Variants in PTPRM observed in about 807,000 individuals in gnomAD.
The protein encoded by PTPRM is protein tyrosine phosphatase receptor type M, also known as receptor-type tyrosine-protein phosphatase mu.
Under a neutral mutation model 186.7 loss-of-function variants are expected in PTPRM, and 47 were observed. The observed-to-expected ratio is 0.25, with a 90% CI of 0.20 to 0.32. The LOEUF (loss-of-function observed/expected upper bound fraction) is 0.32, where lower values mean the gene tolerates loss of function less well. Among genes scored for constraint, PTPRM ranks in the 10% least tolerant of loss-of-function variants. The pLI is 1.00. For synonymous variants in PTPRM, 668 were observed against 674.9 expected, an observed-to-expected ratio of 0.99 and a Z score of 0.16; for missense variants, 1,494 against 1,865.0, an observed-to-expected ratio of 0.80 and a Z score of 3.66.
chr18:8,211,130 C>G (rs918416406), intron 14 of PTPRM, among the ~76,000 whole-genome samples: 1 of 152,138 alleles, frequency 6.6e-6, no homozygotes, highest in Non-Finnish European at 1.5e-5. Flanking sequence ...GAATAAGTAG[C>G]TCTTTAGAAG....
chr18:8,289,577 CATATATAT>C (rs753067953), intron 19 of PTPRM, among the ~76,000 whole-genome samples: 1 of 116,670 alleles, frequency 8.6e-6, no homozygotes, highest in African/African-American at 4.1e-5. Flanking sequence ...TATATATATA[CATATATAT>C]ATACACATAT....
chr18:8,282,097 A>G (rs2094910050), intron 19 of PTPRM, among the ~76,000 whole-genome samples: 1 of 152,194 alleles, frequency 6.6e-6, no homozygotes, highest in African/African-American at 2.4e-5. Flanking sequence ...TAAAAAATCC[A>G]ATTAGAAAAT....
intron 1 of PTPRM, among the ~76,000 whole-genome samples, chr18:7,586,815 A>C (rs1009519143): frequency 6.6e-6 from 1 of 152,222 alleles, no homozygotes; most frequent in Non-Finnish European, 1.5e-5. Flanking sequence ...TGACATTTTA[A>C]AATACAACTT....
chr18:7,674,813 T>C (rs2039297865), intron 1 of PTPRM, among the ~76,000 whole-genome samples: 1 of 152,256 alleles, frequency 6.6e-6, no homozygotes, highest in Non-Finnish European at 1.5e-5. Context: ...AAATCCTGTC[T>C]AGCTCTGCCT....
chr18:8,158,282 A>G (rs1480714961), intron 14 of PTPRM, among the ~76,000 whole-genome samples: 2 of 152,234 alleles, frequency 1.3e-5, no homozygotes, highest in African/African-American at 4.8e-5. Context: ...ATGTCTCAAG[A>G]TGGAGTGTGT....
At chr18:7,911,276 A>G (rs540744104) in intron 4 of PTPRM, among the ~76,000 whole-genome samples, 115 of 152,360 alleles carry the variant, frequency 7.5e-4, no homozygotes, top group African/African-American at 2.2e-3. Flanking sequence ...TCTCAGACAT[A>G]TACTTAGGAG....
chr18:8,208,744 A>G (rs12968846), intron 14 of PTPRM, among the ~76,000 whole-genome samples: 51,275 of 152,114 alleles, frequency 0.34, 9,193 homozygotes, highest in Middle Eastern at 0.52. Context: ...ACTCCTGGCC[A>G]CAGGCAATCC....
At chr18:8,274,818 C>G in intron 19 of PTPRM, among the ~76,000 whole-genome samples, 1 of 152,136 alleles carries the variant, frequency 6.6e-6, no homozygotes, top group East Asian at 1.9e-4. Flanking sequence ...CCTCCAATGT[C>G]CTTGTCAAGA....
At chr18:8,027,641 C>T (rs954004240) in intron 7 of PTPRM, among the ~76,000 whole-genome samples, 1 of 152,112 alleles carries the variant, frequency 6.6e-6, no homozygotes, top group Admixed American at 6.6e-5. Context: ...AACAAACCAA[C>T]ATAGAACAGG....
chr18:8,263,437 C>T (rs1051455743), intron 19 of PTPRM, among the ~76,000 whole-genome samples: 2 of 152,092 alleles, frequency 1.3e-5, no homozygotes, highest in Admixed American at 1.3e-4. Flanking sequence ...TACATGTTTG[C>T]TTTACATTTC....
At chr18:8,071,961 G>A (rs996768878) in intron 8 of PTPRM, among the ~76,000 whole-genome samples, 3 of 152,312 alleles carry the variant, frequency 2.0e-5, no homozygotes, top group Middle Eastern at 3.4e-3. Flanking sequence ...GTGGAGAGCT[G>A]GTTGTAGGCT....
rs1555749530 is a variant in PTPRM, at chr18:8,118,811, A to ATATAT, written c.2167+3984_2167+3985insTATAT. On this transcript the variant is annotated intron_variant, in intron 13 of 32. Transcript: ENST00000580170. ...TGACATTCCATCTCAAAAAAAAAAA[A>ATATAT]ATATATATATATATATATATATGAG... Among the ~76,000 whole-genome samples, 137 of 128,364 alleles carry ATATAT rather than the reference A, an allele frequency of 1.1e-3. 1 individual carries two copies. The East Asian group carries it at 0.012, about 11-fold the overall frequency. The allele number at this position is 128,364 out of a possible 152,430, so 84.2% of individuals were successfully genotyped here.
rs1196986109 is a variant in PTPRM, at chr18:8,125,994, TATATATATATATATATATATATATATA to T, written c.2167+11168_2167+11194del. ...GTGTATACATATATATATATATATA[TATATATATATATATATATATATATATA>T]TATATATTTTAAATCAGTAGACCTT... On this transcript the variant is annotated intron_variant, in intron 13 of 32. Coordinates refer to ENST00000580170, the MANE Select transcript of PTPRM (RefSeq NM_001105244.2). Among the ~76,000 whole-genome samples, 11 of 11,654 alleles carry T rather than the reference TATATATATATATATATATATATATATA, an allele frequency of 9.4e-4. 1 individual carries two copies. Among genetic ancestry groups the T allele is most frequent in the East Asian group, 2.5e-3 (2 of 802 alleles). 7.6% of individuals were successfully genotyped at this position (11,654 alleles called of 152,430 possible).
chr18:8,032,070 T>C (rs2086013367), intron 7 of PTPRM, among the ~76,000 whole-genome samples: 2 of 152,202 alleles, frequency 1.3e-5, no homozygotes, highest in African/African-American at 4.8e-5. Flanking sequence ...GTTCATAGTA[T>C]TCTCTTCCTG....
chr18:7,706,678 G>A (rs890157223), intron 1 of PTPRM, among the ~76,000 whole-genome samples: 6 of 149,554 alleles, frequency 4.0e-5, no homozygotes, highest in African/African-American at 1.5e-4. Flanking sequence ...TAAGGGATTG[G>A]AAACCAAGAT....
chr18:7,612,749 G>T lies in PTPRM; in HGVS notation c.73+44858G>T, dbSNP rs552343131. 2.0e-5 allele frequency among the ~76,000 whole-genome samples: 3 copies of T among 152,254 alleles called. No homozygotes were observed. In the South Asian group the frequency reaches 6.2e-4, roughly 32 times the overall value. ...TGTAAGGTTCTCACTCATTTCTGTT[G>T]TTTCTTTCATTTTGGCTTCAGGGAA... On this transcript the variant is annotated intron_variant, in intron 1 of 32. Transcript: ENST00000580170.
At chr18:8,394,177 G>C (rs1050879333) in intron 31 of PTPRM, among the ~76,000 whole-genome samples, 1 of 152,068 alleles carries the variant, frequency 6.6e-6, no homozygotes, top group Non-Finnish European at 1.5e-5. Context: ...ACCTAAATAA[G>C]GTTCATTGAA....
intron 7 of PTPRM, among the ~76,000 whole-genome samples, chr18:8,046,958 G>A (rs930256576): frequency 6.6e-6 from 1 of 152,142 alleles, no homozygotes; most frequent in African/African-American, 2.4e-5. Flanking sequence ...ATTAATAAGC[G>A]AGAAGGTGTC....
chr18:8,051,538 A>T (rs2087499510), intron 7 of PTPRM, among the ~76,000 whole-genome samples: 1 of 152,158 alleles, frequency 6.6e-6, no homozygotes, highest in African/African-American at 2.4e-5. Flanking sequence ...GTTTTATCGC[A>T]TACGTATGTA....
Sources: gnomAD v4.1 joint callset for allele counts (sites outside exome capture counted in the v4.1 genomes callset) on GRCh38, gnomAD v4.1.1 for gene constraint, MANE v1.5 for transcripts, NCBI Gene and HGNC (gene_info 2026-07-23, HGNC 2026-07-21) for gene names.